Variants in CCDC102B observed in about 807,000 individuals in gnomAD.
CCDC102B encodes the protein coiled-coil domain-containing protein 102B.
Under a neutral mutation model 57.4 loss-of-function variants are expected in CCDC102B, and 75 were observed. The observed-to-expected ratio is 1.31, with a 90% CI of 1.08 to 1.58. The LOEUF (loss-of-function observed/expected upper bound fraction) is 1.58. Among genes scored for constraint, CCDC102B ranks in the 40% most tolerant of loss-of-function variants. The probability of loss-of-function intolerance (pLI) is 0.00; values close to 1 mark genes in which losing one functional copy is unlikely to be tolerated. For synonymous variants in CCDC102B, 206 were observed against 201.9 expected (o/e 1.02, Z -0.17); for missense variants, 636 against 582.6 (o/e 1.09, Z -0.94).
At chr18:69,024,351 C>CAG (rs1197283295) in intron 7 of CCDC102B, among the ~76,000 whole-genome samples, 3 of 151,982 alleles carry the variant, frequency 2.0e-5, no homozygotes, top group African/African-American at 7.2e-5. Flanking sequence ...TTTCAACACT[C>CAG]AGAGTTCTAA....
intron 2 of CCDC102B, among the ~76,000 whole-genome samples, chr18:68,780,361 C>T (rs73456159): frequency 0.024 from 3,658 of 151,898 alleles, 141 homozygotes; most frequent in African/African-American, 0.083. Flanking sequence ...TATTTCAGTA[C>T]AATTTTAATT....
At chr18:68,762,923 C>T (rs1056074077) in intron 2 of CCDC102B, among the ~76,000 whole-genome samples, 3 of 151,972 alleles carry the variant, frequency 2.0e-5, no homozygotes, top group African/African-American at 7.2e-5. Flanking sequence ...TGGAATGTAT[C>T]CGCTACAGAT....
intron 7 of CCDC102B, among the ~76,000 whole-genome samples, chr18:69,012,210 G>GT (rs372809154): frequency 7.0e-4 from 107 of 152,194 alleles, no homozygotes; most frequent in African/African-American, 2.5e-3. Flanking sequence ...GTGATTTTAG[G>GT]TTTTTTATTT....
chr18:68,880,158 C>G (rs543936479), intron 5 of CCDC102B, among the ~76,000 whole-genome samples: 1 of 152,206 alleles, frequency 6.6e-6, no homozygotes, highest in African/African-American at 2.4e-5. Flanking sequence ...GCAGCTAAGG[C>G]CCGGTGAGAA....
At chr18:68,999,239 G>A (rs1002901445) in intron 6 of CCDC102B, among the ~76,000 whole-genome samples, 3 of 151,776 alleles carry the variant, frequency 2.0e-5, no homozygotes, top group African/African-American at 7.3e-5. Flanking sequence ...TTGCTTTGAG[G>A]GGAAAAAGAG....
At chr18:69,006,114 T>A (rs2051333375) in intron 6 of CCDC102B, among the ~76,000 whole-genome samples, 1 of 152,152 alleles carries the variant, frequency 6.6e-6, no homozygotes, top group Non-Finnish European at 1.5e-5. Flanking sequence ...ATCTACCTAA[T>A]TCTCTTTTCA....
intron 7 of CCDC102B, among the ~76,000 whole-genome samples, chr18:69,035,768 T>A (rs922029154): frequency 3.3e-5 from 5 of 152,152 alleles, no homozygotes; most frequent in African/African-American, 9.7e-5. Flanking sequence ...TGGGCAAAAT[T>A]TACTCTGTAT....
At chr18:69,015,157 A>T (rs1429579760) in intron 7 of CCDC102B, among the ~76,000 whole-genome samples, 1 of 152,226 alleles carries the variant, frequency 6.6e-6, no homozygotes, top group Non-Finnish European at 1.5e-5. Flanking sequence ...GAATCGTAGT[A>T]TCACAGGGAG....
chr18:68,998,991 TATATATATAGAGAGAGAG>T lies in CCDC102B; in HGVS notation c.1264-11941_1264-11924del, dbSNP rs1451009218. Among the ~76,000 whole-genome samples the T allele has an allele frequency of 6.2e-3, 436 of 70,034 alleles. 1 individual carries two copies. Among genetic ancestry groups the T allele is most frequent in the South Asian group, 0.014 (25 of 1,752 alleles). 45.9% of individuals were successfully genotyped at this position (70,034 alleles called of 152,430 possible). A position where few individuals can be genotyped will look rare whatever the true frequency, so the allele number is the denominator to read the frequency against. On this transcript the variant is annotated intron_variant, in intron 6 of 7. Transcript: ENST00000360242. ...TCATATATATATATATATATATATA[TATATATATAGAGAGAGAG>T]AGAGAGAGAGAGAGAGAGAGAGAGA...
In CCDC102B at chr18:68,844,008, T is replaced by C. The variant is rs140376276; in HGVS notation, c.828-2305T>C. The stretch of plus-strand genomic sequence containing the variant: ...AAGTATCCCATTGTCATTAAATAAT[T>C]TTTAATGAATTGCTTGTTTTCTCAC... On this transcript the variant is annotated intron_variant, in intron 3 of 7. Transcript: ENST00000360242. 7.4e-3 allele frequency among the ~76,000 whole-genome samples: 1,121 copies of C among 152,124 alleles called. 5 individuals are homozygous for C. The highest frequency in any genetic ancestry group is 0.02 in the Middle Eastern group (6 of 294).
At chr18:69,051,798 T>G (rs1014166754) in intron 7 of CCDC102B, among the ~76,000 whole-genome samples, 2 of 152,008 alleles carry the variant, frequency 1.3e-5, no homozygotes, top group African/African-American at 4.8e-5. Flanking sequence ...TATTCAATAT[T>G]TGCACTTATG....
At chr18:69,013,133 C>G (rs1446943057) in intron 7 of CCDC102B, among the ~76,000 whole-genome samples, 2 of 152,008 alleles carry the variant, frequency 1.3e-5, no homozygotes, top group African/African-American at 4.8e-5. Context: ...TGGATTGTGC[C>G]CATCAGTGGA....
At chr18:68,943,296 A>G (rs952093283) in intron 6 of CCDC102B, among the ~76,000 whole-genome samples, 3 of 152,128 alleles carry the variant, frequency 2.0e-5, no homozygotes, top group Admixed American at 6.5e-5. Flanking sequence ...TCATGAATTA[A>G]GTAGACTTTT....
intron 2 of CCDC102B, among the ~76,000 whole-genome samples, chr18:68,728,204 T>C (rs2032688912): frequency 6.6e-6 from 1 of 152,198 alleles, no homozygotes; most frequent in African/African-American, 2.4e-5. Context: ...TAAAAATAGA[T>C]TATTCTGCTT....
At chr18:68,883,334 C>A (rs1270907626) in intron 5 of CCDC102B, among the ~76,000 whole-genome samples, 1 of 151,926 alleles carries the variant, frequency 6.6e-6, no homozygotes, top group Non-Finnish European at 1.5e-5. Flanking sequence ...TCGCTCAAAC[C>A]CAGGAGGCAG....
intron 5 of CCDC102B, among the ~76,000 whole-genome samples, chr18:68,881,821 C>T (rs975964778): frequency 2.6e-5 from 4 of 152,210 alleles, no homozygotes; most frequent in East Asian, 3.9e-4. Context: ...TTAAACCTCA[C>T]GCCCTTGACC....
Position 68,992,821 on chromosome 18 carries a change from C to A in CCDC102B, c.1264-18113C>A. On this transcript the variant is annotated intron_variant, in intron 6 of 7. Coordinates refer to ENST00000360242, the MANE Select transcript of CCDC102B (RefSeq NM_024781.3). ...GCCTCATGTAGCCACTCGTCGTGGT[C>A]ATGCAGCAGCACAGGTGTGTGGCTC... is the stretch of plus-strand genomic sequence containing the variant. 1.8e-5 allele frequency: 3 copies of A among 163,272 alleles called. No homozygotes were observed. In the South Asian group the frequency reaches 4.6e-4, roughly 25 times the overall value. 10.1% of individuals were successfully genotyped at this position (163,272 alleles called of 1,614,324 possible). A position where few individuals can be genotyped will look rare whatever the true frequency, so the allele number is the denominator to read the frequency against.
intron 6 of CCDC102B, among the ~76,000 whole-genome samples, chr18:68,929,833 C>T (rs1282522612): frequency 6.6e-6 from 1 of 151,542 alleles, no homozygotes; most frequent in African/African-American, 2.4e-5. Flanking sequence ...ATATAATACA[C>T]ACACACACAC....
In CCDC102B at chr18:68,946,570, G is replaced by A. The variant is rs73463883; in HGVS notation, c.1263+49142G>A. On this transcript the variant is annotated intron_variant, in intron 6 of 7. Coordinates refer to ENST00000360242, the MANE Select transcript of CCDC102B (RefSeq NM_024781.3). ...TCTTCTGAATCTATAAATTAGAGACGAACATTATATGGCTAAGTGCTTTAG... is the reference window on the plus strand; with the variant it reads ...TCTTCTGAATCTATAAATTAGAGACAAACATTATATGGCTAAGTGCTTTAG... Among the ~76,000 whole-genome samples, 921 of 151,916 alleles carry A rather than the reference G, an allele frequency of 6.1e-3. 14 individuals are homozygous for A. Among genetic ancestry groups the A allele is most frequent in the African/African-American group, 0.02 (820 of 41,490 alleles).
Sources: gnomAD v4.1 joint callset for allele counts (sites outside exome capture counted in the v4.1 genomes callset) on GRCh38, gnomAD v4.1.1 for gene constraint, MANE v1.5 for transcripts, NCBI Gene and HGNC (gene_info 2026-07-23, HGNC 2026-07-21) for gene names.